The following GANC variants were observed in gnomAD, a reference collection of about 807,000 sequenced individuals.
The protein encoded by GANC is neutral alpha-glucosidase C.
A neutral mutation model predicts 124.2 loss-of-function variants in GANC; 117 were observed. The observed-to-expected ratio is 0.94, with a 90% CI of 0.81 to 1.10. GANC has a LOEUF of 1.10. Ranked by LOEUF, GANC falls within the 50% of genes least tolerant of loss-of-function variation. The pLI, the probability that GANC is intolerant of heterozygous loss-of-function variation, is 0.00. For missense variants in GANC, 1,140 were observed against 1,095.0 expected, an observed-to-expected ratio of 1.04 and a Z score of -0.58; for synonymous variants, 377 against 376.8, an observed-to-expected ratio of 1.00 and a Z score of -0.01.
chr15:42,304,776 A>G (rs1294070957), intron 6 of GANC, among the ~76,000 whole-genome samples: 1 of 152,188 alleles, frequency 6.6e-6, no homozygotes, highest in African/African-American at 2.4e-5. Context: ...TATGTAGACC[A>G]ATGGAACAGA....
At chr15:42,350,064 CTT>C (rs1422484483) in intron 22 of GANC, among the ~76,000 whole-genome samples, 4 of 93,178 alleles carry the variant, frequency 4.3e-5, no homozygotes, top group African/African-American at 1.2e-4. Flanking sequence ...GAGTTTCACT[CTT>C]ATTGCCCAGG....
At chr15:42,345,711 C>T in intron 19 of GANC, 47 bp from the exon 20 acceptor site, 1 of 1,110,210 alleles carries the variant, frequency 9.0e-7, no homozygotes, top group Admixed American at 2.0e-5. Context: ...AAATGGTGAG[C>T]AGAGTTGCTT....
At position 42,352,088 on chromosome 15, in the gene GANC, G is replaced by A; in HGVS notation, c.2694G>A (p.Leu898=). ...TYCAKTSILS[L]EKLSLNIATD... ...GTGCCAAAACATCCATCCTGAGCCT[G>A]GAGAAGCTCTCACTCAACATTGCCA... The change falls in exon 24 of 24, where the codon CTG becomes CTA. Residue 898 remains leucine, a synonymous_variant. Transcript: ENST00000318010. 1.2e-6 allele frequency: 2 copies of A among 1,614,134 alleles called. No individual in the cohort carries two copies. The highest frequency in any genetic ancestry group is 1.7e-6 in the Non-Finnish European group (2 of 1,179,998).
intron 10 of GANC, among the ~76,000 whole-genome samples, chr15:42,312,209 A>C (rs1230535015): frequency 6.6e-6 from 1 of 152,202 alleles, no homozygotes; most frequent in African/African-American, 2.4e-5. Flanking sequence ...GAATAGCCAA[A>C]ACAATCCTTA....
rs370302732 is a variant in GANC, at chr15:42,339,944, G to A, written c.2087+32G>A. 22 of 1,598,720 alleles carry A rather than the reference G, an allele frequency of 1.4e-5. No individual in the cohort carries two copies. The African/African-American group carries it at 2.4e-4, about 18-fold the overall frequency. ...AAGCTTCATCCATTCAGGGACCCCAGCAACCAATCTGTAATAGAAGATCTC... is the reference window on the plus strand; with the variant it reads ...AAGCTTCATCCATTCAGGGACCCCAACAACCAATCTGTAATAGAAGATCTC... On this transcript the variant is annotated intron_variant, in intron 17 of 23. Coordinates refer to ENST00000318010, the MANE Select transcript of GANC (RefSeq NM_198141.3).
intron 17 of GANC, 21 bp from the exon 18 acceptor site, chr15:42,340,669 T>C: frequency 2.6e-6 from 4 of 1,555,394 alleles, no homozygotes; most frequent in East Asian, 4.5e-5. Flanking sequence ...GTTAAAACAA[T>C]AATTTTTTTT....
At position 42,352,722 on chromosome 15, in the gene GANC, T is replaced by C. The variant is rs1385571967; in HGVS notation, c.*583T>C. 2 of 985,822 alleles carry C rather than the reference T, an allele frequency of 2.0e-6. No individual in the cohort carries two copies. The highest frequency in any genetic ancestry group is 1.7e-5 in the African/African-American group (1 of 57,260). 61.1% of individuals were successfully genotyped at this position (985,822 alleles called of 1,614,324 possible). A position where few individuals can be genotyped will look rare whatever the true frequency, so the allele number is the denominator to read the frequency against. On this transcript the variant is annotated 3_prime_UTR_variant, in exon 24 of 24. Coordinates refer to ENST00000318010, the MANE Select transcript of GANC (RefSeq NM_198141.3). ...CGAAGGATTCTTTTCTCTTTCATGCTTCTCAGGCTCAATAGTTTCTAATTA... is the reference window on the plus strand; with the variant it reads ...CGAAGGATTCTTTTCTCTTTCATGCCTCTCAGGCTCAATAGTTTCTAATTA...
chr15:42,281,544 G>A (rs1221724333), intron 3 of GANC, among the ~76,000 whole-genome samples: 1 of 151,988 alleles, frequency 6.6e-6, no homozygotes, highest in Non-Finnish European at 1.5e-5. Context: ...AATTAGCCAG[G>A]CAGGGTGATG....
rs142429251 is a variant in GANC, at chr15:42,327,292, C to T, written c.1421-71C>T. ...CATTTCCCAGCTCTCACATCTGATA[C>T]CTTCTTTACAATGCATCCTACTGTG... On this transcript the variant is annotated intron_variant, in intron 12 of 23. Coordinates refer to ENST00000318010, the MANE Select transcript of GANC (RefSeq NM_198141.3). 1.1e-3 allele frequency: 1,231 copies of T among 1,153,712 alleles called. 15 individuals carry two copies. The African/African-American group carries it at 0.018, about 17-fold the overall frequency. The allele number at this position is 1,153,712 out of a possible 1,614,324, so 71.5% of individuals were successfully genotyped here. A position where few individuals can be genotyped will look rare whatever the true frequency, so the allele number is the denominator to read the frequency against.
chr15:42,286,247 C>T lies in GANC; in HGVS notation c.202-1444C>T, dbSNP rs950869924. On this transcript the variant is annotated intron_variant, in intron 3 of 23. Coordinates refer to ENST00000318010, the MANE Select transcript of GANC (RefSeq NM_198141.3). Reference sequence around the variant, plus strand: ...TAACCCTACAGTCATCATTAATAACCCTTCTTAATCTCTTGCCTTTCTGTT... The same window carrying T: ...TAACCCTACAGTCATCATTAATAACTCTTCTTAATCTCTTGCCTTTCTGTT... Among the ~76,000 whole-genome samples, 8 of 152,266 alleles carry T rather than the reference C, an allele frequency of 5.3e-5. No individual in the cohort carries two copies. The East Asian group carries it at 1.4e-3, about 26-fold the overall frequency.
chr15:42,340,576 C>T, intron 17 of GANC, 114 bp from the exon 18 acceptor site: 1 of 789,782 alleles, frequency 1.3e-6, no homozygotes, highest in Non-Finnish European at 2.0e-6. Flanking sequence ...GGCATTCCAG[C>T]CTGGGCAACA....
intron 3 of GANC, among the ~76,000 whole-genome samples, chr15:42,282,252 CAG>C (rs1192805433): frequency 1.3e-5 from 2 of 152,096 alleles, no homozygotes; most frequent in Non-Finnish European, 2.9e-5. Flanking sequence ...ACCTGGGAGT[CAG>C]AGGTTGCAGT....
intron 18 of GANC, among the ~76,000 whole-genome samples, chr15:42,342,828 A>T (rs570223977): frequency 6.6e-6 from 1 of 152,284 alleles, no homozygotes; most frequent in Non-Finnish European, 1.5e-5. Flanking sequence ...GTCCCTTCCT[A>T]TAATCTCAGT....
chr15:42,339,513 A>C (rs1056126075), intron 16 of GANC, among the ~76,000 whole-genome samples, 156 bp from the exon 17 acceptor site: 3 of 152,182 alleles, frequency 2.0e-5, no homozygotes, highest in African/African-American at 7.2e-5. Context: ...TGAATTATGT[A>C]GTAAGGGGGT....
chr15:42,340,767 GTTT>G lies in GANC; in HGVS notation c.2152+28_2152+30del, dbSNP rs372974307. On this transcript the variant is annotated intron_variant, in intron 18 of 23. Transcript: ENST00000318010. The stretch of plus-strand genomic sequence containing the variant: ...GAATACATGCTGGGTGAGCATTTCT[GTTT>G]TTTTTTTTTTTTTTGAGACGGAGTC... 2.3e-3 allele frequency: 3,182 copies of G among 1,366,400 alleles called. No individual in the cohort carries two copies. The highest frequency in any genetic ancestry group is 4.1e-3 in the Middle Eastern group (15 of 3,700). The allele number at this position is 1,366,400 out of a possible 1,614,324, so 84.6% of individuals were successfully genotyped here.
intron 5 of GANC, among the ~76,000 whole-genome samples, chr15:42,293,973 C>T: frequency 6.6e-6 from 1 of 151,450 alleles, no homozygotes; most frequent in East Asian, 1.9e-4. Flanking sequence ...ATCACTTGAG[C>T]CCAGGAGGTC....
intron 10 of GANC, chr15:42,314,975 G>A (rs1432346500): frequency 1.3e-5 from 2 of 152,174 alleles, no homozygotes; most frequent in Non-Finnish European, 2.9e-5. Context: ...ACACCAAATT[G>A]TTCTCACTTT....
At chr15:42,284,150 C>G in intron 3 of GANC, 1 of 608,814 alleles carries the variant, frequency 1.6e-6, no homozygotes, top group South Asian at 2.0e-5. Context: ...ATCAACCTAC[C>G]AAGGAAGAGT....
intron 10 of GANC, among the ~76,000 whole-genome samples, chr15:42,319,693 G>A (rs1202861576): frequency 2.6e-5 from 4 of 152,048 alleles, no homozygotes; most frequent in Non-Finnish European, 5.9e-5. Flanking sequence ...AGCACACCAC[G>A]TTAAATGACA....
Sources: allele counts gnomAD v4.1 joint callset (sites outside exome capture counted in the v4.1 genomes callset), GRCh38; gene constraint gnomAD v4.1.1; transcripts MANE v1.5; gene names NCBI Gene and HGNC (gene_info 2026-07-23, HGNC 2026-07-21).